Variants in RNF215 observed in about 807,000 individuals in gnomAD.
The protein encoded by RNF215 is ring finger protein 215.
A neutral mutation model predicts 44.8 loss-of-function variants in RNF215; 41 were observed. The observed-to-expected ratio is 0.92, with a 90% CI of 0.71 to 1.19. The LOEUF is 1.19. Among genes scored for constraint, RNF215 ranks in the 50% most tolerant of loss-of-function variants. The pLI is 0.00. For synonymous variants in RNF215, 218 were observed against 230.1 expected (o/e 0.95, Z 0.48); for missense variants, 452 against 496.2 (o/e 0.91, Z 0.85).
Position 30,380,499 on chromosome 22 carries a change from G to C in RNF215, c.745-98C>G. ...GAACGCCAGGGAGCAGGCAGGTGAGGTATGCTGACGGCCTCTGTGTCCCTG... is the reference window on the plus strand; with the variant it reads ...GAACGCCAGGGAGCAGGCAGGTGAGCTATGCTGACGGCCTCTGTGTCCCTG... On this transcript the variant is annotated intron_variant, in intron 5 of 8. Transcript: ENST00000382363. The surrounding 1 kb of genome is among the most constrained non-coding windows in gnomAD (Gnocchi z 5.3). The C allele has an allele frequency of 4.9e-6, 7 of 1,433,728 alleles. No homozygotes were observed. Among genetic ancestry groups the C allele is most frequent in the Non-Finnish European group, 6.5e-6 (7 of 1,070,140 alleles). The allele number at this position is 1,433,728 out of a possible 1,614,324, so 88.8% of individuals were successfully genotyped here. A position where few individuals can be genotyped will look rare whatever the true frequency, so the allele number is the denominator to read the frequency against.
Position 30,386,052 on chromosome 22 carries a change from C to T in RNF215, c.501+18G>A, listed in dbSNP as rs201518914. ...CCTTTCCCCAGCTTGCTTACCCTCACGGCCTGGTCCGATTTACCTCTCGGA... is the reference window on the plus strand; with the variant it reads ...CCTTTCCCCAGCTTGCTTACCCTCATGGCCTGGTCCGATTTACCTCTCGGA... On this transcript the variant is annotated intron_variant, in intron 3 of 8. Coordinates refer to ENST00000382363, the MANE Select transcript of RNF215 (RefSeq NM_001017981.2). 250 of 1,613,810 alleles carry T rather than the reference C, an allele frequency of 1.5e-4. 1 individual carries two copies. Among genetic ancestry groups the T allele is most frequent in the African/African-American group, 2.7e-5 (2 of 75,028 alleles).
Position 30,386,699 on chromosome 22 carries a change from C to T in RNF215, c.346G>A (p.Val116Met). 1 of 1,612,036 alleles carries T rather than the reference C, an allele frequency of 6.2e-7. No individual in the cohort carries two copies. The highest frequency in any genetic ancestry group is 8.5e-7 in the Non-Finnish European group (1 of 1,180,000). ...PVEGWIAVAY[V>M]GKEQAAQFHQ... ...AACTGGGCCGCCTGCTCCTTGCCCACGTATGCCACTGCAATCCAGCCTTCC... is the reference window on the plus strand; with the variant it reads ...AACTGGGCCGCCTGCTCCTTGCCCATGTATGCCACTGCAATCCAGCCTTCC... The change falls in exon 2 of 9, where the codon GTG becomes ATG. Residue 116 changes from valine to methionine, a missense_variant. Coordinates refer to ENST00000382363, the MANE Select transcript of RNF215 (RefSeq NM_001017981.2).
chr22:30,382,288 C>T (rs1601758256), intron 5 of RNF215, among the ~76,000 whole-genome samples: 1 of 151,754 alleles, frequency 6.6e-6, no homozygotes, highest in Non-Finnish European at 1.5e-5. Flanking sequence ...CCTGTAGTCC[C>T]GCTTACTAGG....
At position 30,380,430 on chromosome 22, in the gene RNF215, T is replaced by C. The variant is rs757870; in HGVS notation, c.745-29A>G. On this transcript the variant is annotated intron_variant, in intron 5 of 8. Coordinates refer to ENST00000382363, the MANE Select transcript of RNF215 (RefSeq NM_001017981.2). The surrounding 1 kb of genome is among the most constrained non-coding windows in gnomAD (Gnocchi z 5.3). ...GGGAGGGAAGCAGTCATCAGGGACA[T>C]GGGGCCACCCCCACACGCCTCCCTT... The C allele has an allele frequency of 0.3, 477,813 of 1,578,004 alleles. 74,526 individuals are homozygous for C. The highest frequency in any genetic ancestry group is 0.43 in the East Asian group (19,150 of 44,366).
intron 4 of RNF215, 51 bp downstream of exon 4, chr22:30,385,853 G>A (rs1478579016): frequency 6.5e-7 from 1 of 1,546,298 alleles, no homozygotes; most frequent in Admixed American, 1.7e-5. Context: ...GGGAGAACCA[G>A]GGGCTCTCTG....
Position 30,386,046 on chromosome 22 carries a change from CCCTCACGGCCTGGTCCGATTTA to C in RNF215, c.501+2_501+23del. On this transcript the variant is annotated splice_donor_variant and splice_donor_5th_base_variant and intron_variant, in intron 3 of 8. Transcript: ENST00000382363. LOFTEE classifies it high-confidence loss of function. ...GGTCCCCCTTTCCCCAGCTTGCTTACCCTCACGGCCTGGTCCGATTTACCTCTCGGACCACGTTGTGGTTCAG... is the reference window on the plus strand; with the variant it reads ...GGTCCCCCTTTCCCCAGCTTGCTTACCCTCTCGGACCACGTTGTGGTTCAG... 2 of 1,613,920 alleles carry C rather than the reference CCCTCACGGCCTGGTCCGATTTA, an allele frequency of 1.2e-6. No individual in the cohort carries two copies. Among genetic ancestry groups the C allele is most frequent in the Non-Finnish European group, 1.7e-6 (2 of 1,179,906 alleles).
intron 5 of RNF215, among the ~76,000 whole-genome samples, chr22:30,383,550 G>T (rs956744734): frequency 5.3e-5 from 8 of 152,164 alleles, no homozygotes; most frequent in African/African-American, 1.9e-4. Flanking sequence ...CACAGCCCAC[G>T]GTGGCCAACA....
chr22:30,386,240 T>C, intron 2 of RNF215, 99 bp from the exon 3 acceptor site: 1 of 1,131,570 alleles, frequency 8.8e-7, no homozygotes, highest in Non-Finnish European at 1.3e-6. Flanking sequence ...GGCCCTGCAG[T>C]GAGCAAAACT....
intron 5 of RNF215, among the ~76,000 whole-genome samples, chr22:30,381,312 C>T (rs188834212): frequency 9.2e-5 from 14 of 152,280 alleles, no homozygotes; most frequent in African/African-American, 2.9e-4. Flanking sequence ...TACCTCCCAC[C>T]ATCTTTGTGG....
At position 30,384,349 on chromosome 22, in the gene RNF215, G is replaced by T; in HGVS notation, c.734C>A (p.Ala245Asp). The change falls in exon 5 of 9, where the codon GCC becomes GAC. Residue 245 changes from alanine to aspartate, a missense_variant. Physicochemically the swap from Ala to Asp is moderately radical, Grantham distance 126. Transcript: ENST00000382363. ...TCTGCTAGCACCCACCTGCTCCTGG[G>T]CACGACTGCCTCCAAGGCAGACCAA... ...QDLVCLGGSR[A>D]QEQKPLQQLW... 1 of 1,613,304 alleles carries T rather than the reference G, an allele frequency of 6.2e-7. No individual in the cohort carries two copies. Among genetic ancestry groups the T allele is most frequent in the Non-Finnish European group, 8.5e-7 (1 of 1,179,438 alleles).
chr22:30,387,275 C>A lies in RNF215; in HGVS notation c.39G>T (p.Pro13=). 9.4e-7 allele frequency: 1 copy of A among 1,059,808 alleles called. No individual in the cohort carries two copies. Among genetic ancestry groups the A allele is most frequent in the Non-Finnish European group, 1.1e-6 (1 of 878,698 alleles). 65.7% of individuals were successfully genotyped at this position (1,059,808 alleles called of 1,614,324 possible). The part of the protein sequence containing the change: ...PAARPALRSP[P]PPPPPPPSPL... ...GAGACGGAGGCGGCGGCGGAGGCGG[C>A]GGCGGCGATCTCAGCGCGGGGCGAG... Residue 13 remains proline, a synonymous_variant, in exon 1 of 9, where the codon CCG becomes CCT. Transcript: ENST00000382363.
Position 30,380,050 on chromosome 22 carries a change from C to G in RNF215, c.1008+12G>C, listed in dbSNP as rs775139008. ...GGTGAGCTGATGGCTGGTCTCTACC[C>G]GGGGCACTAGCCTGTTTGTTGCAGA... On this transcript the variant is annotated intron_variant, in intron 7 of 8. Coordinates refer to ENST00000382363, the MANE Select transcript of RNF215 (RefSeq NM_001017981.2). This position sits in a 1 kb window ranked among gnomAD's most constrained non-coding sequence, Gnocchi z 5.3. 50 of 1,613,358 alleles carry G rather than the reference C, an allele frequency of 3.1e-5. No individual in the cohort carries two copies. Among genetic ancestry groups the G allele is most frequent in the Non-Finnish European group, 4.0e-5 (47 of 1,179,664 alleles).
chr22:30,386,593 TC>T, intron 2 of RNF215, 22 bp downstream of exon 2: 1 of 1,601,832 alleles, frequency 6.2e-7, no homozygotes, highest in Non-Finnish European at 8.5e-7. Flanking sequence ...TCCAGCCCCC[TC>T]CCCCATAGAC....
In RNF215 at chr22:30,387,159, G is replaced by C; in HGVS notation, c.155C>G (p.Ala52Gly). The change falls in exon 1 of 9, where the codon GCG becomes GGG. Residue 52 changes from alanine (A) to glycine (G), a missense_variant. By Grantham distance (60) the Ala-to-Gly change is moderately conservative. Transcript: ENST00000382363. ...CACGGCGCGGGCTCCGCCCCGCCCC[G>C]CCCCGGCCGCCGGCTCGCTGCCGTC... Reference protein sequence around the residue: ...AADGSEPAAGAGRGGARAVRV... With the variant: ...AADGSEPAAGGGRGGARAVRV... The C allele has an allele frequency of 8.3e-7, 1 of 1,205,232 alleles. No individual in the cohort carries two copies. Among genetic ancestry groups the C allele is most frequent in the Non-Finnish European group, 1.0e-6 (1 of 970,750 alleles). 74.7% of individuals were successfully genotyped at this position (1,205,232 alleles called of 1,614,324 possible).
chr22:30,386,856 C>G (rs947631682), intron 1 of RNF215, 97 bp from the exon 2 acceptor site: 1 of 1,504,894 alleles, frequency 6.6e-7, no homozygotes, highest in Non-Finnish European at 8.9e-7. Flanking sequence ...GTTCCCAGAG[C>G]ATCTGGCTCT....
chr22:30,382,808 C>T (rs1157871984), intron 5 of RNF215, among the ~76,000 whole-genome samples: 1 of 151,986 alleles, frequency 6.6e-6, no homozygotes, highest in East Asian at 1.9e-4. Flanking sequence ...GCAGTAAGGA[C>T]TGTTCATTAG....
At chr22:30,379,874 T>A in intron 7 of RNF215, 61 bp from the exon 8 acceptor site, 1 of 1,530,206 alleles carries the variant, frequency 6.5e-7, no homozygotes, top group Non-Finnish European at 9.0e-7. Context: ...TGGGGGTGCC[T>A]GGTCCCATGC....
Position 30,384,506 on chromosome 22 carries a change from A to G in RNF215, c.588-11T>C. On this transcript the variant is annotated splice_polypyrimidine_tract_variant and intron_variant, in intron 4 of 8. Coordinates refer to ENST00000382363, the MANE Select transcript of RNF215 (RefSeq NM_001017981.2). ...GTGGCCTGGGTCCTCCTGGGAGGGG[A>G]AGTCACCGGGGCCAGATGGAAGGAC... The G allele has an allele frequency of 6.2e-7, 1 of 1,611,736 alleles. No homozygotes were observed. The highest frequency in any genetic ancestry group is 8.5e-7 in the Non-Finnish European group (1 of 1,178,516).
rs1174096543 is a variant in RNF215, at chr22:30,380,591, C to G, written c.745-190G>C. On this transcript the variant is annotated intron_variant, in intron 5 of 8. Transcript: ENST00000382363. This position sits in a 1 kb window ranked among gnomAD's most constrained non-coding sequence, Gnocchi z 5.3. ...TGTGTGCTTCTCAGGATCACTCACT[C>G]TGCCCTACACGTCTTCCCATCCAGC... 6.6e-6 allele frequency among the ~76,000 whole-genome samples: 1 copy of G among 152,040 alleles called. No homozygotes were observed. Among genetic ancestry groups the G allele is most frequent in the Non-Finnish European group, 1.5e-5 (1 of 67,982 alleles).
Sources: allele counts gnomAD v4.1 joint callset (sites outside exome capture counted in the v4.1 genomes callset), GRCh38; gene constraint gnomAD v4.1.1; non-coding constraint Gnocchi (gnomAD v3.1); transcripts MANE v1.5; gene names NCBI Gene and HGNC (gene_info 2026-07-23, HGNC 2026-07-21).